The following MEGF11 variants were observed in gnomAD, a reference collection of about 807,000 sequenced individuals.
The protein encoded by MEGF11 is multiple EGF like domains 11.
In MEGF11, 126 loss-of-function variants were observed where a neutral mutation model predicts 146.6. That is an observed-to-expected ratio of 0.86 (90% CI 0.74 to 1.00). MEGF11 has a LOEUF of 1.00. Among genes scored for constraint, MEGF11 ranks in the 50% least tolerant of loss-of-function variants. The probability of loss-of-function intolerance (pLI) is 0.00; values close to 1 mark genes in which losing one functional copy is unlikely to be tolerated. For synonymous variants in MEGF11, 532 were observed against 583.4 expected (o/e 0.91, Z 1.27); for missense variants, 1,509 against 1,521.2 (o/e 0.99, Z 0.13).
intron 1 of MEGF11, among the ~76,000 whole-genome samples, chr15:66,235,610 G>A (rs1350456306): frequency 2.6e-5 from 4 of 152,060 alleles, no homozygotes; most frequent in Non-Finnish European, 5.9e-5. Context: ...GATCATCCTC[G>A]TTTCTCAAGC....
chr15:65,957,847 G>A (rs1215418510), intron 9 of MEGF11, 126 bp from the exon 10 acceptor site: 2 of 799,662 alleles, frequency 2.5e-6, no homozygotes, highest in East Asian at 5.3e-5. Context: ...GGATTAAATT[G>A]CTCAATGCCT....
chr15:66,042,069 G>T (rs1276972869), intron 5 of MEGF11, among the ~76,000 whole-genome samples: 3 of 151,060 alleles, frequency 2.0e-5, no homozygotes, highest in African/African-American at 4.9e-5. Flanking sequence ...GGAGGTATTT[G>T]GTCATGTAGC....
intron 1 of MEGF11, among the ~76,000 whole-genome samples, chr15:66,179,819 C>A (rs1359465409): frequency 6.7e-6 from 1 of 148,862 alleles, no homozygotes; most frequent in Non-Finnish European, 1.5e-5. Context: ...CACCACCCCC[C>A]CACCCCCACC....
At chr15:66,215,595 A>G (rs1437055718) in intron 1 of MEGF11, among the ~76,000 whole-genome samples, 1 of 152,210 alleles carries the variant, frequency 6.6e-6, no homozygotes, top group African/African-American at 2.4e-5. Flanking sequence ...ACCAGAGTGT[A>G]CAATTGACCT....
chr15:66,163,331 A>T (rs1485866513), intron 1 of MEGF11, among the ~76,000 whole-genome samples: 1 of 152,182 alleles, frequency 6.6e-6, no homozygotes, highest in Non-Finnish European at 1.5e-5. Context: ...GGCTCCTTCT[A>T]TTTGGCTCCA....
At chr15:66,154,793 T>C (rs1245157414) in intron 1 of MEGF11, among the ~76,000 whole-genome samples, 1 of 152,082 alleles carries the variant, frequency 6.6e-6, no homozygotes, top group East Asian at 1.9e-4. Context: ...CCTTTTCAGT[T>C]GATGAACCTT....
chr15:66,146,028 C>T (rs1362915534), intron 1 of MEGF11, among the ~76,000 whole-genome samples: 1 of 152,160 alleles, frequency 6.6e-6, no homozygotes, highest in Non-Finnish European at 1.5e-5. Context: ...CCTCTCTTCA[C>T]AGCCACCCAG....
intron 9 of MEGF11, among the ~76,000 whole-genome samples, chr15:65,964,310 GC>G (rs2080978867): frequency 6.6e-6 from 1 of 152,188 alleles, no homozygotes; most frequent in South Asian, 2.1e-4. Context: ...GGAGGGGCTG[GC>G]CCCAAGTTCA....
chr15:66,185,213 C>A (rs1025410242), intron 1 of MEGF11, among the ~76,000 whole-genome samples: 4 of 152,106 alleles, frequency 2.6e-5, no homozygotes, highest in Non-Finnish European at 5.9e-5. Context: ...AACCCCTGCT[C>A]CCTGCACCCT....
At chr15:66,078,842 T>C (rs1404371543) in intron 5 of MEGF11, among the ~76,000 whole-genome samples, 1 of 152,204 alleles carries the variant, frequency 6.6e-6, no homozygotes, top group East Asian at 1.9e-4. Flanking sequence ...CGAGACTCCC[T>C]GTGTGTCATT....
chr15:66,128,091 T>A (rs1036875981), intron 2 of MEGF11, among the ~76,000 whole-genome samples: 1 of 152,160 alleles, frequency 6.6e-6, no homozygotes, highest in East Asian at 1.9e-4. Flanking sequence ...GGACAGTGCA[T>A]CGTAACTGAA....
chr15:65,922,262 A>T (rs1045637054), intron 15 of MEGF11, 76 bp downstream of exon 15: 67 of 1,539,694 alleles, frequency 4.4e-5, no homozygotes, highest in Non-Finnish European at 5.8e-5. Flanking sequence ...AAAATCCCCA[A>T]GCCCTTCCTT....
At chr15:65,999,906 T>A (rs1421939887) in intron 5 of MEGF11, among the ~76,000 whole-genome samples, 1 of 152,158 alleles carries the variant, frequency 6.6e-6, no homozygotes, top group Admixed American at 6.5e-5. Context: ...GGGAGGCACT[T>A]GGTTTGGGCT....
chr15:65,905,967 C>G, intron 24 of MEGF11, 118 bp downstream of exon 24: 1 of 775,024 alleles, frequency 1.3e-6, no homozygotes, highest in Admixed American at 2.6e-5. Flanking sequence ...GTCTTTTAAC[C>G]TTCTGTGGGG....
At position 66,123,865 on chromosome 15, in the gene MEGF11, T is replaced by C. The variant is rs199765033; in HGVS notation, c.200+34A>G. On this transcript the variant is annotated intron_variant, in intron 3 of 25. Coordinates refer to ENST00000395614, the MANE Select transcript of MEGF11 (RefSeq NM_001385028.1). ...GGCAAGCCCTGAGAGCCCAGTGCCT[T>C]TTCCCTGCCCCATCATCTGAGAGAG... The C allele has an allele frequency of 2.6e-5, 41 of 1,577,932 alleles. No individual in the cohort carries two copies. The East Asian group carries it at 8.9e-4, about 34-fold the overall frequency.
intron 1 of MEGF11, among the ~76,000 whole-genome samples, chr15:66,187,438 GC>G (rs747071582): frequency 8.5e-5 from 13 of 152,228 alleles, no homozygotes; most frequent in Non-Finnish European, 1.9e-4. Context: ...GCCCAGGCCT[GC>G]CTCTGAGGGT....
chr15:66,124,596 C>G (rs1319487498), intron 2 of MEGF11, among the ~76,000 whole-genome samples: 1 of 152,224 alleles, frequency 6.6e-6, no homozygotes, highest in Middle Eastern at 3.2e-3. Flanking sequence ...GACCAGGAAA[C>G]TGAGCATCAG....
chr15:65,934,127 A>G (rs564449904), intron 10 of MEGF11, among the ~76,000 whole-genome samples: 1 of 152,294 alleles, frequency 6.6e-6, no homozygotes, highest in South Asian at 2.1e-4. Context: ...CCTGAGGGCC[A>G]CTGTTCCAAA....
At chr15:65,907,661 GC>G (rs1464951922) in intron 23 of MEGF11, among the ~76,000 whole-genome samples, 2 of 152,216 alleles carry the variant, frequency 1.3e-5, no homozygotes, top group Non-Finnish European at 2.9e-5. Flanking sequence ...GCCTGCAACT[GC>G]CTATATGCTG....
Sources: allele counts gnomAD v4.1 joint callset (sites outside exome capture counted in the v4.1 genomes callset), GRCh38; gene constraint gnomAD v4.1.1; transcripts MANE v1.5; gene names NCBI Gene and HGNC (gene_info 2026-07-23, HGNC 2026-07-21).